Variants in MEIS2 observed in about 807,000 individuals in gnomAD.
MEIS2 encodes Meis homeobox 2, also known as homeobox protein Meis2.
In MEIS2, 9 loss-of-function variants were observed where a neutral mutation model predicts 58.6. The observed-to-expected ratio is 0.15, with a 90% confidence interval of 0.09 to 0.27. The LOEUF (loss-of-function observed/expected upper bound fraction) is 0.27, where lower values mean the gene tolerates loss of function less well. MEIS2 is among the 10% of genes least tolerant of loss of function. The pLI is 1.00. For synonymous variants in MEIS2, 221 were observed against 228.4 expected, an observed-to-expected ratio of 0.97 and a Z score of 0.29; for missense variants, 427 against 635.0, an observed-to-expected ratio of 0.67 and a Z score of 3.52.
At chr15:36,951,895 G>A (rs2058760475) in intron 8 of MEIS2, among the ~76,000 whole-genome samples, 1 of 151,926 alleles carries the variant, frequency 6.6e-6, no homozygotes, top group Non-Finnish European at 1.5e-5. Context: ...CCCCTTCACT[G>A]CTTCAAAAAC....
At chr15:37,096,474 T>A in intron 2 of MEIS2, 44 bp from the exon 3 acceptor site, 1 of 1,594,990 alleles carries the variant, frequency 6.3e-7, no homozygotes, top group Non-Finnish European at 8.6e-7. Flanking sequence ...AGAGACGGGG[T>A]GCAGAGGGGA....
intron 8 of MEIS2, among the ~76,000 whole-genome samples, chr15:37,004,344 G>T (rs1403064311): frequency 1.3e-5 from 2 of 152,208 alleles, no homozygotes; most frequent in Non-Finnish European, 2.9e-5. Context: ...TGAATACAGT[G>T]CTAGAATCAG....
intron 6 of MEIS2, among the ~76,000 whole-genome samples, chr15:37,087,867 G>T (rs1382103378): frequency 2.0e-5 from 3 of 152,122 alleles, no homozygotes; most frequent in Non-Finnish European, 4.4e-5. Context: ...CTTCCATGGG[G>T]CCAGTGGGGT....
intron 6 of MEIS2, among the ~76,000 whole-genome samples, chr15:37,092,278 G>C (rs775598730): frequency 6.6e-6 from 1 of 152,160 alleles, no homozygotes; most frequent in Non-Finnish European, 1.5e-5. Context: ...AAGTGCAAAG[G>C]TTAATTATGA....
Position 36,889,538 on chromosome 15 carries a change from C to T in MEIS2, c.*2635G>A, listed in dbSNP as rs1014260102. 3 of 152,130 alleles carry T rather than the reference C, an allele frequency of 2.0e-5. No homozygotes were observed. The highest frequency in any genetic ancestry group is 2.9e-5 in the Non-Finnish European group (2 of 68,014). 9.4% of individuals were successfully genotyped at this position (152,130 alleles called of 1,614,324 possible). ...GAAGGTTAAAGTTAACATGATAGGACGTGGGTTTGACGAATAAACTAAGCA... is the reference window on the plus strand; with the variant it reads ...GAAGGTTAAAGTTAACATGATAGGATGTGGGTTTGACGAATAAACTAAGCA... On this transcript the variant is annotated 3_prime_UTR_variant, in exon 12 of 12. Coordinates refer to ENST00000561208, the MANE Select transcript of MEIS2 (RefSeq NM_170675.5).
In MEIS2 at chr15:37,041,243, G is replaced by C. The variant is rs28618378; in HGVS notation, c.755-4284C>G. On this transcript the variant is annotated intron_variant, in intron 7 of 11. Coordinates refer to ENST00000561208, the MANE Select transcript of MEIS2 (RefSeq NM_170675.5). ...TTCTCAGTCTTAGCTGAGACCTACT[G>C]AATCTGAAACTCTAGGTGTGGGGCC... is the stretch of plus-strand genomic sequence containing the variant. Among the ~76,000 whole-genome samples the C allele has an allele frequency of 5.6e-3, 860 of 152,324 alleles. 6 individuals are homozygous for C. The highest frequency in any genetic ancestry group is 8.6e-3 in the Non-Finnish European group (585 of 68,028).
intron 7 of MEIS2, among the ~76,000 whole-genome samples, chr15:37,052,265 G>A (rs1485266029): frequency 6.6e-6 from 1 of 152,194 alleles, no homozygotes; most frequent in African/African-American, 2.4e-5. Flanking sequence ...AGGATGAAAT[G>A]GAAGTAACAT....
chr15:36,997,818 C>T (rs571661602), intron 8 of MEIS2, among the ~76,000 whole-genome samples: 1 of 152,148 alleles, frequency 6.6e-6, no homozygotes, highest in Admixed American at 6.5e-5. Flanking sequence ...AAGGTACAAA[C>T]GTGCATGGTT....
At chr15:36,925,927 C>A (rs1455079151) in intron 9 of MEIS2, among the ~76,000 whole-genome samples, 1 of 152,172 alleles carries the variant, frequency 6.6e-6, no homozygotes, top group African/African-American at 2.4e-5. Context: ...TCACAGATTG[C>A]CTGAGGCACT....
intron 9 of MEIS2, among the ~76,000 whole-genome samples, chr15:36,935,186 CT>C (rs71126245): frequency 0.44 from 59,816 of 136,580 alleles, 12,888 homozygotes; most frequent in Admixed American, 0.58. Flanking sequence ...ATTCTTTTTT[CT>C]TTTTTTTTTT....
intron 1 of MEIS2, chr15:37,099,249 C>G: frequency 6.9e-7 from 1 of 1,439,694 alleles, no homozygotes. Context: ...CCCAGACACG[C>G]ACACACGCAC....
At chr15:36,974,008 G>T (rs1278063660) in intron 8 of MEIS2, among the ~76,000 whole-genome samples, 1 of 152,126 alleles carries the variant, frequency 6.6e-6, no homozygotes, top group African/African-American at 2.4e-5. Flanking sequence ...TAGCTATCAT[G>T]CCTTGAGAGC....
chr15:36,965,232 A>T (rs1201559217), intron 8 of MEIS2, among the ~76,000 whole-genome samples: 1 of 152,174 alleles, frequency 6.6e-6, no homozygotes, highest in Non-Finnish European at 1.5e-5. Context: ...GGATATGAAA[A>T]CATTGGTGAT....
In MEIS2 at chr15:37,083,792, C is replaced by T. The variant is rs375357305; in HGVS notation, c.733G>A (p.Gly245Arg). 10 of 1,613,764 alleles carry T rather than the reference C, an allele frequency of 6.2e-6. No homozygotes were observed. The highest frequency in any genetic ancestry group is 3.3e-5 in the South Asian group (3 of 91,060). Residue 245 changes from glycine (G) to arginine (R), a missense_variant, in exon 7 of 12, where the codon GGA becomes AGA. This residue lies in a region of MEIS2 where 138 missense variants were observed against 263.0 expected (regional missense o/e 0.52). Coordinates refer to ENST00000561208, the MANE Select transcript of MEIS2 (RefSeq NM_170675.5). ...TTACCTTGCTCACTGCTGTTGTCTC[C>T]GCTCTGGGAAGCATGGCCCCCACTG... ...PSSGGHASQS[G>R]DNSSEQGDGL...
chr15:36,918,064 G>T (rs2057353412), intron 9 of MEIS2, among the ~76,000 whole-genome samples: 1 of 152,154 alleles, frequency 6.6e-6, no homozygotes, highest in Non-Finnish European at 1.5e-5. Context: ...ACTGGGCATT[G>T]CATCAAGGAC....
intron 8 of MEIS2, among the ~76,000 whole-genome samples, chr15:37,016,390 C>T (rs541627380): frequency 6.6e-6 from 1 of 151,456 alleles, no homozygotes; most frequent in South Asian, 2.1e-4. Context: ...ATATCAAAGG[C>T]TAGTGCTGTT....
intron 1 of MEIS2, 71 bp downstream of exon 1, chr15:37,099,384 A>G (rs1465206811): frequency 6.2e-7 from 1 of 1,603,914 alleles, no homozygotes. Context: ...TTGAAGGGAG[A>G]GGAGGCATCG....
At chr15:37,091,483 C>T (rs1893507450) in intron 6 of MEIS2, among the ~76,000 whole-genome samples, 1 of 152,098 alleles carries the variant, frequency 6.6e-6, no homozygotes, top group African/African-American at 2.4e-5. Context: ...GTGGCAAGCC[C>T]TCATGGGTTC....
At chr15:37,034,610 G>A (rs2062070936) in intron 8 of MEIS2, among the ~76,000 whole-genome samples, 1 of 152,312 alleles carries the variant, frequency 6.6e-6, no homozygotes, top group South Asian at 2.1e-4. Context: ...TGGGCAGGGA[G>A]GTGGGAGATA....
Sources: allele counts gnomAD v4.1 joint callset (sites outside exome capture counted in the v4.1 genomes callset), GRCh38; gene constraint gnomAD v4.1.1; regional missense constraint gnomAD v4.1.1; transcripts MANE v1.5; gene names NCBI Gene and HGNC (gene_info 2026-07-23, HGNC 2026-07-21).